The following CHN2 variants were observed in gnomAD, a reference collection of about 807,000 sequenced individuals.
The protein encoded by CHN2 is chimerin 2.
CHN2 carries 35 observed loss-of-function variants against 56.3 expected under a neutral mutation model. The observed-to-expected ratio is 0.62, with a 90% CI of 0.47 to 0.82. CHN2 has a LOEUF of 0.82. Ranked by LOEUF, CHN2 falls within the 40% of genes least tolerant of loss-of-function variation. CHN2 has a pLI of 0.00. For synonymous variants in CHN2, 210 were observed against 212.8 expected, an observed-to-expected ratio of 0.99 and a Z score of 0.12; for missense variants, 491 against 580.5, an observed-to-expected ratio of 0.85 and a Z score of 1.58.
intron 1 of CHN2, among the ~76,000 whole-genome samples, chr7:29,251,339 AC>A (rs1386479583): frequency 6.6e-6 from 1 of 152,020 alleles, no homozygotes; most frequent in Non-Finnish European, 1.5e-5. Flanking sequence ...CTGTTGTCCC[AC>A]CTACTTAGGA....
At chr7:29,454,949 T>A (rs939993248) in intron 6 of CHN2, among the ~76,000 whole-genome samples, 3 of 151,838 alleles carry the variant, frequency 2.0e-5, no homozygotes, top group Admixed American at 6.6e-5. Context: ...AAACAACCCC[T>A]TAAAATATGA....
At chr7:29,221,495 T>C (rs1785789193) in intron 1 of CHN2, among the ~76,000 whole-genome samples, 4 of 152,182 alleles carry the variant, frequency 2.6e-5, no homozygotes, top group Admixed American at 2.6e-4. Flanking sequence ...GGGATGTATG[T>C]GTAGGATGTG....
chr7:29,419,501 A>G (rs940133240), intron 6 of CHN2, among the ~76,000 whole-genome samples: 1 of 152,142 alleles, frequency 6.6e-6, no homozygotes, highest in African/African-American at 2.4e-5. Context: ...TCAAACTTAA[A>G]ATTTTCTATG....
chr7:29,446,726 G>A (rs1194991149), intron 6 of CHN2, among the ~76,000 whole-genome samples: 1 of 152,186 alleles, frequency 6.6e-6, no homozygotes, highest in Non-Finnish European at 1.5e-5. Flanking sequence ...AAATTCAGCC[G>A]TATTAGTGCA....
chr7:29,430,588 T>A (rs1213709258), intron 6 of CHN2, among the ~76,000 whole-genome samples: 3 of 152,162 alleles, frequency 2.0e-5, no homozygotes, highest in Admixed American at 6.5e-5. Context: ...CACATTTGGT[T>A]GGCTAAAGCT....
chr7:29,344,296 G>T (rs1028479329), intron 1 of CHN2, among the ~76,000 whole-genome samples: 6 of 152,070 alleles, frequency 3.9e-5, no homozygotes, highest in African/African-American at 9.7e-5. Context: ...ACTCTCAACT[G>T]CAATGATCCT....
At chr7:29,356,586 G>A (rs1798332319) in intron 2 of CHN2, among the ~76,000 whole-genome samples, 1 of 152,128 alleles carries the variant, frequency 6.6e-6, no homozygotes, top group South Asian at 2.1e-4. Flanking sequence ...ATGGCTTGAT[G>A]CTGTGTCCTT....
intron 11 of CHN2, among the ~76,000 whole-genome samples, chr7:29,509,047 T>C (rs545568344): frequency 1.1e-4 from 16 of 152,280 alleles, no homozygotes; most frequent in African/African-American, 3.8e-4. Flanking sequence ...GGTTTACAGA[T>C]TCATGGAGGG....
rs78230680 is a variant in CHN2, at chr7:29,223,899, C to T, written c.49+28909C>T. ...CAGCAGTGAACAAAAATTTTAGTTG[C>T]GATGTATTGACACCATACCCATGCA... is the stretch of plus-strand genomic sequence containing the variant. On this transcript the variant is annotated intron_variant, in intron 1 of 12. Transcript: ENST00000222792. Among the ~76,000 whole-genome samples, 233 of 152,170 alleles carry T rather than the reference C, an allele frequency of 1.5e-3. 1 individual carries two copies. Among genetic ancestry groups the T allele is most frequent in the African/African-American group, 5.2e-3 (218 of 41,530 alleles).
chr7:29,504,246 A>G (rs904301711), intron 9 of CHN2, among the ~76,000 whole-genome samples: 5 of 152,312 alleles, frequency 3.3e-5, no homozygotes, highest in African/African-American at 1.2e-4. Context: ...CACATGGATT[A>G]AGATGATGCT....
intron 2 of CHN2, chr7:29,185,724 T>C (rs1171947530): frequency 6.6e-6 from 1 of 152,204 alleles, no homozygotes; most frequent in Admixed American, 6.5e-5. Context: ...GTGATTCTCA[T>C]ATATACCCCG....
intron 2 of CHN2, among the ~76,000 whole-genome samples, chr7:29,173,856 G>A (rs1164231676): frequency 1.3e-5 from 2 of 151,522 alleles, no homozygotes; most frequent in African/African-American, 4.9e-5. Flanking sequence ...GGGGGCTGAG[G>A]CACTAGAATT....
chr7:29,352,302 G>C (rs1023637481), intron 1 of CHN2, among the ~76,000 whole-genome samples: 1 of 152,016 alleles, frequency 6.6e-6, no homozygotes, highest in African/African-American at 2.4e-5. Context: ...AGACATTACA[G>C]CTTTGAGTAG....
chr7:29,279,090 G>A (rs746082681), intron 1 of CHN2, among the ~76,000 whole-genome samples: 4 of 152,046 alleles, frequency 2.6e-5, no homozygotes, highest in Admixed American at 2.0e-4. Context: ...CGGCAGCATC[G>A]TTTTCACCCA....
intron 1 of CHN2, among the ~76,000 whole-genome samples, chr7:29,225,208 G>A (rs570165371): frequency 3.7e-4 from 57 of 152,206 alleles, no homozygotes; most frequent in African/African-American, 1.2e-3. Flanking sequence ...AATACTTCAC[G>A]AATAATTTAA....
chr7:29,353,139 G>C (rs1303717052), intron 1 of CHN2, among the ~76,000 whole-genome samples: 1 of 152,186 alleles, frequency 6.6e-6, no homozygotes, highest in Non-Finnish European at 1.5e-5. Context: ...GTACAGATTT[G>C]TTTGTGTGAA....
At chr7:29,443,090 G>A (rs577190287) in intron 6 of CHN2, among the ~76,000 whole-genome samples, 3 of 150,520 alleles carry the variant, frequency 2.0e-5, no homozygotes, top group East Asian at 2.0e-4. Flanking sequence ...ACAGGCGCCC[G>A]CCACCGCGCC....
chr7:29,265,529 A>C (rs1482719938), intron 1 of CHN2, among the ~76,000 whole-genome samples: 2 of 152,220 alleles, frequency 1.3e-5, no homozygotes, highest in Non-Finnish European at 2.9e-5. Flanking sequence ...GTGGGTAGAC[A>C]ATAGGGACTC....
rs150292836 is a variant in CHN2, at chr7:29,392,215, T to C, written c.145-1464T>C. ...GTTCTAAATTTCTTCTCTGGCATGT[T>C]GGTTTTACAGTCACATGTCTATAAT... On this transcript the variant is annotated intron_variant, in intron 3 of 12. Transcript: ENST00000222792. Among the ~76,000 whole-genome samples, 15 of 152,352 alleles carry C rather than the reference T, an allele frequency of 9.8e-5. No homozygotes were observed. In the East Asian group the frequency reaches 2.9e-3, roughly 29 times the overall value.
Sources: allele counts gnomAD v4.1 joint callset (sites outside exome capture counted in the v4.1 genomes callset), GRCh38; gene constraint gnomAD v4.1.1; transcripts MANE v1.5; gene names NCBI Gene and HGNC (gene_info 2026-07-23, HGNC 2026-07-21).